Variants in PCDH15 observed in about 807,000 individuals in gnomAD.
The protein encoded by PCDH15 is protocadherin-15.
A neutral mutation model predicts 178.5 loss-of-function variants in PCDH15; 129 were observed. The observed-to-expected ratio is 0.72, with a 90% CI of 0.63 to 0.84. The LOEUF (loss-of-function observed/expected upper bound fraction) is 0.84. Ranked by LOEUF, PCDH15 falls within the 40% of genes least tolerant of loss-of-function variation. PCDH15 has a pLI of 0.00. For missense variants in PCDH15, 2,230 were observed against 2,099.9 expected, an observed-to-expected ratio of 1.06 and a Z score of -1.21; for synonymous variants, 800 against 732.0, an observed-to-expected ratio of 1.09 and a Z score of -1.50.
Position 55,386,173 on chromosome 10 carries a change from T to C in PCDH15, c.-155-219522A>G, listed in dbSNP as rs139058803. Among the ~76,000 whole-genome samples, 502 of 152,162 alleles carry C rather than the reference T, an allele frequency of 3.3e-3. 2 individuals are homozygous for C. The highest frequency in any genetic ancestry group is 9.8e-3 in the African/African-American group (406 of 41,560). On this transcript the variant is annotated intron_variant, in intron 2 of 5. Coordinates refer to the PCDH15 transcript ENST00000613346. ...TTTACCTAGACTCAAAGGGAAATTT[T>C]GTTTTAATGGTGGATATTACACAGG...
intron 2 of PCDH15, among the ~76,000 whole-genome samples, chr10:55,495,598 G>C (rs1028646592): frequency 2.0e-5 from 3 of 151,738 alleles, no homozygotes; most frequent in African/African-American, 7.3e-5. Context: ...ATAATAACTT[G>C]TGTGCTCCAT....
intron 2 of PCDH15, among the ~76,000 whole-genome samples, chr10:55,092,905 T>C (rs1842352303): frequency 6.6e-6 from 1 of 151,990 alleles, no homozygotes; most frequent in Non-Finnish European, 1.5e-5. Flanking sequence ...CTAATGCAGA[T>C]GTTACTCATT....
chr10:53,920,269 C>T (rs1272752534), intron 25 of PCDH15, among the ~76,000 whole-genome samples: 1 of 148,412 alleles, frequency 6.7e-6, no homozygotes, highest in Admixed American at 6.7e-5. Context: ...TCACCATACA[C>T]CTATAAAACA....
chr10:53,984,245 G>T (rs1395430154), intron 21 of PCDH15, among the ~76,000 whole-genome samples: 2 of 148,228 alleles, frequency 1.3e-5, no homozygotes, highest in Admixed American at 6.8e-5. Context: ...CGCCTCCTGG[G>T]TTCACACCAT....
chr10:54,704,791 A>G (rs576424787), intron 1 of PCDH15, among the ~76,000 whole-genome samples: 19 of 152,298 alleles, frequency 1.2e-4, no homozygotes, highest in African/African-American at 4.1e-4. Context: ...CTTAAAACAG[A>G]ACTACCATTT....
intron 2 of PCDH15, among the ~76,000 whole-genome samples, chr10:55,594,599 T>C (rs1423670777): frequency 6.6e-6 from 1 of 151,982 alleles, no homozygotes; most frequent in African/African-American, 2.4e-5. Context: ...GCGTTTCCAA[T>C]GTTGCAAAAA....
intron 2 of PCDH15, among the ~76,000 whole-genome samples, chr10:54,537,991 G>A (rs1483258511): frequency 6.6e-6 from 1 of 152,098 alleles, no homozygotes; most frequent in African/African-American, 2.4e-5. Context: ...AATTATTTAA[G>A]TTTCTTATAG....
chr10:54,154,403 CT>C (rs1212881122), intron 13 of PCDH15, among the ~76,000 whole-genome samples: 1 of 152,002 alleles, frequency 6.6e-6, no homozygotes, highest in Admixed American at 6.6e-5. Context: ...GTTTTATTTA[CT>C]TATATTTATA....
At chr10:54,875,549 G>C (rs2131800007) in intron 3 of PCDH15, among the ~76,000 whole-genome samples, 1 of 152,204 alleles carries the variant, frequency 6.6e-6, no homozygotes, top group Non-Finnish European at 1.5e-5. Flanking sequence ...TACTAAAGAA[G>C]TTCTTAAAGG....
chr10:54,850,125 G>A (rs1229765821), intron 3 of PCDH15, among the ~76,000 whole-genome samples: 4 of 151,930 alleles, frequency 2.6e-5, no homozygotes, highest in African/African-American at 9.7e-5. Flanking sequence ...AACATATAAA[G>A]CAATATATAT....
intron 1 of PCDH15, among the ~76,000 whole-genome samples, chr10:55,199,296 G>T (rs1840177095): frequency 6.6e-6 from 1 of 152,142 alleles, no homozygotes. Flanking sequence ...CTATGCTTTA[G>T]CAAAGAGATT....
chr10:53,861,843 T>C (rs1244521815), intron 27 of PCDH15, among the ~76,000 whole-genome samples: 1 of 152,082 alleles, frequency 6.6e-6, no homozygotes, highest in Non-Finnish European at 1.5e-5. Context: ...ACTTTAGAGA[T>C]ATTCATCATC....
chr10:54,799,254 G>A (rs1294792829), intron 1 of PCDH15, among the ~76,000 whole-genome samples: 1 of 152,066 alleles, frequency 6.6e-6, no homozygotes, highest in Non-Finnish European at 1.5e-5. Context: ...CTGCCTATCT[G>A]CTGTGAAAGT....
At chr10:53,829,838 T>G (rs1189604553) in intron 30 of PCDH15, among the ~76,000 whole-genome samples, 1 of 152,218 alleles carries the variant, frequency 6.6e-6, no homozygotes, top group Non-Finnish European at 1.5e-5. Flanking sequence ...AAGGTCCTAC[T>G]TCTGTGTAAC....
chr10:54,667,402 A>G (rs2094588609), intron 1 of PCDH15, among the ~76,000 whole-genome samples: 1 of 152,126 alleles, frequency 6.6e-6, no homozygotes, highest in Non-Finnish European at 1.5e-5. Flanking sequence ...AAATGACTAC[A>G]GGACCAAGAT....
intron 1 of PCDH15, among the ~76,000 whole-genome samples, chr10:55,291,491 A>T (rs566811612): frequency 6.6e-6 from 1 of 152,330 alleles, no homozygotes; most frequent in South Asian, 2.1e-4. Context: ...ATACAATTTA[A>T]AAGATCAACT....
intron 2 of PCDH15, among the ~76,000 whole-genome samples, chr10:55,433,144 C>A (rs1252450611): frequency 6.6e-6 from 1 of 152,074 alleles, no homozygotes; most frequent in Non-Finnish European, 1.5e-5. Flanking sequence ...AAGACACATG[C>A]ATACATATAT....
chr10:54,021,698 C>T (rs1377525423), intron 19 of PCDH15, among the ~76,000 whole-genome samples: 1 of 151,856 alleles, frequency 6.6e-6, no homozygotes, highest in Non-Finnish European at 1.5e-5. Context: ...AGGTTAGGAG[C>T]TCCACCTCTA....
At chr10:55,028,389 G>A (rs1473190516) in intron 2 of PCDH15, among the ~76,000 whole-genome samples, 2 of 151,790 alleles carry the variant, frequency 1.3e-5, no homozygotes, top group African/African-American at 4.8e-5. Context: ...TGAGCTCAAC[G>A]ACACGTCTAA....
Sources: allele counts gnomAD v4.1 joint callset (sites outside exome capture counted in the v4.1 genomes callset), GRCh38; gene constraint gnomAD v4.1.1; transcripts MANE v1.5; gene names NCBI Gene and HGNC (gene_info 2026-07-23, HGNC 2026-07-21).